Variants in CDH4 observed in about 807,000 individuals in gnomAD.
The protein encoded by CDH4 is cadherin-4.
CDH4 carries 33 observed loss-of-function variants against 86.0 expected under a neutral mutation model. The ratio of observed to expected loss-of-function variants is 0.38; its 90% confidence interval spans 0.29 to 0.51. The LOEUF (loss-of-function observed/expected upper bound fraction) is 0.51. Among genes scored for constraint, CDH4 ranks in the 20% least tolerant of loss-of-function variants. The pLI is 0.86. For missense variants in CDH4, 1,114 were observed against 1,307.4 expected (o/e 0.85, Z 2.28); for synonymous variants, 555 against 549.4 (o/e 1.01, Z -0.14).
chr20:61,668,686 TCA>T (rs2087353891), intron 2 of CDH4, among the ~76,000 whole-genome samples: 1 of 152,184 alleles, frequency 6.6e-6, no homozygotes. Context: ...CCTGGGAGCT[TCA>T]CTGCTGTAGG....
chr20:61,361,859 C>CCCAAAA (rs2123320000), intron 2 of CDH4, among the ~76,000 whole-genome samples: 1 of 152,296 alleles, frequency 6.6e-6, no homozygotes, highest in East Asian at 1.9e-4. Flanking sequence ...TTCTCTCATG[C>CCCAAAA]CCAAGTACTG....
chr20:61,366,468 A>G (rs964644745), intron 2 of CDH4, among the ~76,000 whole-genome samples: 7 of 152,236 alleles, frequency 4.6e-5, no homozygotes, highest in African/African-American at 1.7e-4. Context: ...GTGGGAAATC[A>G]GGGGTCTCAC....
At chr20:61,274,407 A>G (rs1156362910) in intron 2 of CDH4, among the ~76,000 whole-genome samples, 2 of 65,458 alleles carry the variant, frequency 3.1e-5, no homozygotes, top group Non-Finnish European at 2.7e-5. Context: ...TACTGTGTGC[A>G]GTTTGGGGGA....
At chr20:61,540,137 A>G (rs1447037077) in intron 2 of CDH4, among the ~76,000 whole-genome samples, 1 of 152,170 alleles carries the variant, frequency 6.6e-6, no homozygotes, top group African/African-American at 2.4e-5. Context: ...GTCCTCCTGG[A>G]GCAGGGCCTG....
chr20:61,478,920 C>T (rs1407490604), intron 2 of CDH4, among the ~76,000 whole-genome samples: 1 of 152,046 alleles, frequency 6.6e-6, no homozygotes, highest in African/African-American at 2.4e-5. Flanking sequence ...ATTCTAACAG[C>T]TTTTCTATGT....
intron 4 of CDH4, among the ~76,000 whole-genome samples, chr20:61,832,166 G>A (rs937734792): frequency 6.6e-6 from 1 of 152,224 alleles, no homozygotes; most frequent in East Asian, 1.9e-4. Flanking sequence ...GAGCTGTCTG[G>A]AAACAGCCAC....
intron 2 of CDH4, among the ~76,000 whole-genome samples, chr20:61,277,542 T>A (rs1209792883): frequency 6.6e-6 from 1 of 151,828 alleles, no homozygotes; most frequent in Non-Finnish European, 1.5e-5. Flanking sequence ...GTGGAGGGGG[T>A]GGCAGTGGTG....
At chr20:61,647,194 T>TC (rs1319867889) in intron 2 of CDH4, among the ~76,000 whole-genome samples, 8 of 152,128 alleles carry the variant, frequency 5.3e-5, no homozygotes, top group Non-Finnish European at 1.0e-4. Context: ...TCCCTTGGGT[T>TC]CCCAGCAGCT....
chr20:61,665,813 A>C (rs1394259350), intron 2 of CDH4, among the ~76,000 whole-genome samples: 1 of 152,192 alleles, frequency 6.6e-6, no homozygotes, highest in Non-Finnish European at 1.5e-5. Flanking sequence ...CACAGCGTAC[A>C]CGGTCCTCCA....
chr20:61,579,270 T>G (rs1265139862), intron 2 of CDH4, among the ~76,000 whole-genome samples: 3 of 147,498 alleles, frequency 2.0e-5, no homozygotes, highest in African/African-American at 7.5e-5. Context: ...TGCCTCTAAA[T>G]CTCCCTCGAT....
At chr20:61,333,695 C>A (rs2084599079) in intron 2 of CDH4, among the ~76,000 whole-genome samples, 1 of 152,242 alleles carries the variant, frequency 6.6e-6, no homozygotes, top group African/African-American at 2.4e-5. Context: ...GCTGCACAGG[C>A]CTCTGCGGTA....
intron 2 of CDH4, among the ~76,000 whole-genome samples, chr20:61,431,087 T>C (rs1210422106): frequency 6.6e-6 from 1 of 152,212 alleles, no homozygotes; most frequent in Non-Finnish European, 1.5e-5. Context: ...GCTCTGTGTA[T>C]GCAAAGAAAC....
chr20:61,319,573 G>C (rs2084496701), intron 2 of CDH4, among the ~76,000 whole-genome samples: 1 of 152,132 alleles, frequency 6.6e-6, no homozygotes, highest in Non-Finnish European at 1.5e-5. Context: ...TGGATCATAT[G>C]GTAGGTGGTT....
At chr20:61,407,271 G>T (rs1163519799) in intron 2 of CDH4, among the ~76,000 whole-genome samples, 1 of 152,176 alleles carries the variant, frequency 6.6e-6, no homozygotes, top group African/African-American at 2.4e-5. Flanking sequence ...TTCTCATTAT[G>T]TTGACATCGA....
chr20:61,687,450 A>T (rs983052793), intron 2 of CDH4, among the ~76,000 whole-genome samples: 2 of 152,192 alleles, frequency 1.3e-5, no homozygotes, highest in African/African-American at 4.8e-5. Flanking sequence ...ACCCACAGAC[A>T]CTGCCTCCTC....
intron 2 of CDH4, among the ~76,000 whole-genome samples, chr20:61,514,620 A>T (rs1178874432): frequency 6.6e-6 from 1 of 152,168 alleles, no homozygotes; most frequent in Non-Finnish European, 1.5e-5. Flanking sequence ...GCAGGCCCCT[A>T]AAAGGGGTCC....
intron 2 of CDH4, among the ~76,000 whole-genome samples, chr20:61,437,783 G>A (rs181910614): frequency 2.6e-5 from 4 of 152,268 alleles, no homozygotes; most frequent in East Asian, 3.9e-4. Context: ...AGACGGTCCC[G>A]TTTTGTTGAC....
rs535941531 is a variant in CDH4, at chr20:61,452,632, A to G, written c.169+197695A>G. Among the ~76,000 whole-genome samples the G allele has an allele frequency of 2.6e-5, 4 of 152,244 alleles. No homozygotes were observed. The East Asian group carries it at 5.8e-4, about 22-fold the overall frequency. On this transcript the variant is annotated intron_variant, in intron 2 of 15. Transcript: ENST00000614565. Reference sequence around the variant, plus strand: ...ATTTATTCAGTTTTTAAATTTTTCCAATTGTTGAAGAGTTTTCCCACACCG... The same window carrying G: ...ATTTATTCAGTTTTTAAATTTTTCCGATTGTTGAAGAGTTTTCCCACACCG...
intron 2 of CDH4, among the ~76,000 whole-genome samples, chr20:61,523,344 T>C (rs1436333884): frequency 6.6e-6 from 1 of 152,242 alleles, no homozygotes; most frequent in African/African-American, 2.4e-5. Flanking sequence ...TCTGCTCTCT[T>C]GTCAGGTGAC....
Sources: allele counts gnomAD v4.1 joint callset (sites outside exome capture counted in the v4.1 genomes callset), GRCh38; gene constraint gnomAD v4.1.1; transcripts MANE v1.5; gene names NCBI Gene and HGNC (gene_info 2026-07-23, HGNC 2026-07-21).